Variants in KCNIP4 observed in about 807,000 individuals in gnomAD.
KCNIP4 encodes potassium voltage-gated channel interacting protein 4.
Under a neutral mutation model 34.0 loss-of-function variants are expected in KCNIP4, and 12 were observed. The observed-to-expected ratio is 0.35, with a 90% CI of 0.23 to 0.57. KCNIP4 has a LOEUF of 0.57. KCNIP4 is among the 20% of genes least tolerant of loss of function. The pLI is 0.83. For synonymous variants in KCNIP4, 124 were observed against 102.2 expected (o/e 1.21, Z -1.29); for missense variants, 238 against 311.7 (o/e 0.76, Z 1.78).
In KCNIP4 at chr4:21,521,623, G is replaced by A. The variant is rs1223476284; in HGVS notation, c.61+426948C>T. ...GTTGTCATCTAATTATTCCTTTCTT[G>A]CATTGCCCAATTGCAAGTCTCAGAG... On this transcript the variant is annotated intron_variant, in intron 1 of 8. Transcript: ENST00000382152. Among the ~76,000 whole-genome samples, 5 of 152,020 alleles carry A rather than the reference G, an allele frequency of 3.3e-5. No homozygotes were observed. In the South Asian group the frequency reaches 8.3e-4, roughly 25 times the overall value.
At chr4:21,404,611 T>C (rs1283306145) in intron 1 of KCNIP4, among the ~76,000 whole-genome samples, 1 of 152,198 alleles carries the variant, frequency 6.6e-6, no homozygotes, top group African/African-American at 2.4e-5. Context: ...ATATTAACAA[T>C]CTTCAATGAT....
At chr4:20,884,044 C>T (rs1039200948) in intron 1 of KCNIP4, among the ~76,000 whole-genome samples, 9 of 152,140 alleles carry the variant, frequency 5.9e-5, no homozygotes, top group Non-Finnish European at 1.0e-4. Context: ...CAAAGCAGGC[C>T]GTCCTCTGGC....
In KCNIP4 at chr4:21,649,646, GT is replaced by G. The variant is rs535814248; in HGVS notation, c.61+298924del. ...ATTATTTATTGGCTATTTATGTCTT[GT>G]TCCTTTTATCCTCTTCACGGCTCCT... On this transcript the variant is annotated intron_variant, in intron 1 of 8. Coordinates refer to ENST00000382152, the MANE Select transcript of KCNIP4 (RefSeq NM_025221.6). 9.3e-4 allele frequency among the ~76,000 whole-genome samples: 141 copies of G among 152,218 alleles called. 1 individual carries two copies. The highest frequency in any genetic ancestry group is 3.7e-3 in the South Asian group (18 of 4,826).
chr4:21,080,418 C>T (rs1745903931), intron 1 of KCNIP4, among the ~76,000 whole-genome samples: 1 of 151,878 alleles, frequency 6.6e-6, no homozygotes, highest in South Asian at 2.1e-4. Context: ...GCCAATTCTT[C>T]TATTTCCTTT....
intron 1 of KCNIP4, among the ~76,000 whole-genome samples, chr4:20,978,353 A>G (rs190392845): frequency 1.3e-5 from 2 of 152,372 alleles, no homozygotes; most frequent in Admixed American, 1.3e-4. Flanking sequence ...TGGGATAAAT[A>G]GATATGAACT....
chr4:21,619,934 T>C (rs2109173053), intron 1 of KCNIP4, among the ~76,000 whole-genome samples: 1 of 152,386 alleles, frequency 6.6e-6, no homozygotes, highest in East Asian at 1.9e-4. Flanking sequence ...ATTTCACTTC[T>C]GTAAGATTCC....
intron 1 of KCNIP4, among the ~76,000 whole-genome samples, chr4:21,502,807 C>T (rs1214249057): frequency 6.6e-6 from 1 of 152,168 alleles, no homozygotes; most frequent in Non-Finnish European, 1.5e-5. Flanking sequence ...TGCGGGCTCA[C>T]TATAACCCTT....
At chr4:21,928,866 G>A (rs974927051) in intron 1 of KCNIP4, among the ~76,000 whole-genome samples, 14 of 146,100 alleles carry the variant, frequency 9.6e-5, no homozygotes, top group Admixed American at 7.9e-4. Flanking sequence ...ATTCCTTCCC[G>A]AGATCAACCT....
intron 1 of KCNIP4, among the ~76,000 whole-genome samples, chr4:21,456,185 G>C (rs369890738): frequency 6.8e-6 from 1 of 147,292 alleles, no homozygotes; most frequent in Non-Finnish European, 1.5e-5. Flanking sequence ...AACTCTGCCA[G>C]TTACAGGGAC....
chr4:20,958,164 T>C (rs1237217991), intron 1 of KCNIP4, among the ~76,000 whole-genome samples: 1 of 152,214 alleles, frequency 6.6e-6, no homozygotes, highest in Non-Finnish European at 1.5e-5. Context: ...GGAAGTGTTA[T>C]AGAAAGGACT....
rs1206369841 is a variant in KCNIP4 at position 21,603,265 on chromosome 4, G to A, written c.61+345306C>T. On this transcript the variant is annotated intron_variant, in intron 1 of 8. Coordinates refer to ENST00000382152, the MANE Select transcript of KCNIP4 (RefSeq NM_025221.6). The stretch of plus-strand genomic sequence containing the variant: ...GTCTGTAAAATGACCTTGGAGTGAA[G>A]TTGTATCTGCAAGTCACATAAAGCC... Among the ~76,000 whole-genome samples, 3 of 152,050 alleles carry A rather than the reference G, an allele frequency of 2.0e-5. No homozygotes were observed. In the East Asian group the frequency reaches 5.8e-4, roughly 29 times the overall value.
intron 1 of KCNIP4, among the ~76,000 whole-genome samples, chr4:21,732,503 T>C (rs1715682755): frequency 6.6e-6 from 1 of 152,118 alleles, no homozygotes; most frequent in African/African-American, 2.4e-5. Context: ...ATAACTAAAA[T>C]AGTTAATCTT....
rs151211959 is a variant in KCNIP4, at chr4:21,368,352, C to A, written c.62-485643G>T. ...TAAGGTTATTCTTATGACATTAAGA[C>A]CATTTGTGATTTAGAAAATCGTATC... On this transcript the variant is annotated intron_variant, in intron 1 of 8. Transcript: ENST00000382152. 9.0e-4 allele frequency among the ~76,000 whole-genome samples: 132 copies of A among 146,964 alleles called. 13 individuals carry two copies. The East Asian group carries it at 0.02, about 22-fold the overall frequency.
intron 1 of KCNIP4, among the ~76,000 whole-genome samples, chr4:20,942,056 A>T (rs1731694322): frequency 6.6e-6 from 1 of 152,172 alleles, no homozygotes; most frequent in Admixed American, 6.5e-5. Flanking sequence ...GAAATAGGGA[A>T]ATTGTAGTGT....
chr4:21,867,884 G>T (rs1321141493), intron 1 of KCNIP4, among the ~76,000 whole-genome samples: 1 of 152,108 alleles, frequency 6.6e-6, no homozygotes, highest in South Asian at 2.1e-4. Flanking sequence ...TACAGAGATG[G>T]TCTTTTTTAA....
intron 1 of KCNIP4, among the ~76,000 whole-genome samples, chr4:21,158,003 A>T (rs903617477): frequency 2.6e-5 from 4 of 152,076 alleles, no homozygotes; most frequent in Non-Finnish European, 5.9e-5. Flanking sequence ...ATAACTACAA[A>T]TTTTTCTGAT....
intron 1 of KCNIP4, among the ~76,000 whole-genome samples, chr4:21,375,139 G>C (rs1449908988): frequency 1.4e-5 from 2 of 147,218 alleles, no homozygotes. Context: ...GTATTCAAAA[G>C]CAGAAATTTC....
At chr4:21,000,582 G>A (rs1738035521) in intron 1 of KCNIP4, among the ~76,000 whole-genome samples, 1 of 152,046 alleles carries the variant, frequency 6.6e-6, no homozygotes, top group Admixed American at 6.6e-5. Flanking sequence ...CTACTAGGGA[G>A]GCTGAGGCAG....
intron 1 of KCNIP4, among the ~76,000 whole-genome samples, chr4:21,219,608 G>T (rs7437801): frequency 0.34 from 51,532 of 151,762 alleles, 8,910 homozygotes; most frequent in South Asian, 0.51. Flanking sequence ...ACATTCATTT[G>T]CAACTGGTTG....
Sources: gnomAD v4.1 joint callset for allele counts (sites outside exome capture counted in the v4.1 genomes callset) on GRCh38, gnomAD v4.1.1 for gene constraint, MANE v1.5 for transcripts, NCBI Gene and HGNC (gene_info 2026-07-23, HGNC 2026-07-21) for gene names.